Variants in IP6K3 observed in about 807,000 individuals in gnomAD.
IP6K3 encodes the protein ATP:1D-myo-inositol-hexakisphosphate phosphotransferase.
IP6K3 carries 20 observed loss-of-function variants against 28.8 expected under a neutral mutation model. That is an observed-to-expected ratio of 0.70 (90% CI 0.49 to 1.01). The LOEUF is 1.01. Among genes scored for constraint, IP6K3 ranks in the 50% least tolerant of loss-of-function variants. IP6K3 has a pLI of 0.00. For synonymous variants in IP6K3, 213 were observed against 221.3 expected (o/e 0.96, Z 0.33); for missense variants, 480 against 537.1 (o/e 0.89, Z 1.05).
rs528663129 is a variant in IP6K3, at chr6:33,734,320, C to T, written c.199+958G>A. ...ACCTGTGCGCCTTTGTGCACATACA[C>T]GCCGGATTCTAGTAAAGTGGGTTTC... is the stretch of plus-strand genomic sequence containing the variant. On this transcript the variant is annotated intron_variant, in intron 2 of 5. Transcript: ENST00000293756. Among the ~76,000 whole-genome samples, 155 of 152,262 alleles carry T rather than the reference C, an allele frequency of 1.0e-3. 1 individual carries two copies. The highest frequency in any genetic ancestry group is 3.6e-3 in the African/African-American group (149 of 41,540).
At chr6:33,760,499 G>C in the IP6K3 span, among the ~76,000 whole-genome samples, 7 of 152,228 alleles carry the variant, frequency 4.6e-5, no homozygotes, top group Non-Finnish European at 8.8e-5. Flanking sequence ...CACAGGAACA[G>C]AATGGGGAGA....
chr6:33,729,904 G>A (rs991083032), intron 2 of IP6K3, among the ~76,000 whole-genome samples: 1 of 152,014 alleles, frequency 6.6e-6, no homozygotes, highest in Non-Finnish European at 1.5e-5. Context: ...AGTAGAGACG[G>A]GGTTTCATCA....
chr6:33,748,896 C>A (rs191446691), upstream of IP6K3, among the ~76,000 whole-genome samples: 1 of 152,214 alleles, frequency 6.6e-6, no homozygotes, highest in East Asian at 1.9e-4. Context: ...CTGACTCCCC[C>A]CTGCAGGGTG....
chr6:33,744,472 G>A lies in IP6K3; in HGVS notation c.-180+2286C>T, dbSNP rs770415805. On this transcript the variant is annotated intron_variant, in intron 1 of 5. Coordinates refer to ENST00000293756, the MANE Select transcript of IP6K3 (RefSeq NM_054111.5). This position sits in a 1 kb window ranked among gnomAD's most constrained non-coding sequence, Gnocchi z 4.4. ...CAATAATGGGATGGAGTGTGTGTGC[G>A]TGCATGTGTTTGTATGTTTGTGTGA... Among the ~76,000 whole-genome samples the A allele has an allele frequency of 7.2e-5, 11 of 152,278 alleles. No homozygotes were observed. Among genetic ancestry groups the A allele is most frequent in the African/African-American group, 2.4e-4 (10 of 41,558 alleles).
intron 2 of IP6K3, among the ~76,000 whole-genome samples, chr6:33,732,388 G>A (rs1213922939): frequency 6.6e-6 from 1 of 152,228 alleles, no homozygotes; most frequent in Non-Finnish European, 1.5e-5. Context: ...TTCCTATAGG[G>A]GAGAAAAAGG....
the IP6K3 span, among the ~76,000 whole-genome samples, chr6:33,759,788 G>A: frequency 6.6e-6 from 1 of 152,038 alleles, no homozygotes; most frequent in Non-Finnish European, 1.5e-5. Flanking sequence ...CAGGAGAATG[G>A]CGTGAACCCA....
chr6:33,730,750 A>G (rs1007627859), intron 2 of IP6K3, among the ~76,000 whole-genome samples: 3 of 152,048 alleles, frequency 2.0e-5, no homozygotes, highest in African/African-American at 7.2e-5. Flanking sequence ...CCAAGGTCAC[A>G]TGGTCGGTGT....
At chr6:33,749,688 A>G (rs1482747103), upstream of IP6K3, among the ~76,000 whole-genome samples, 1 of 151,616 alleles carries the variant, frequency 6.6e-6, no homozygotes, top group African/African-American at 2.4e-5. Flanking sequence ...GGGAGCCACC[A>G]TGCCCACCCT....
intron 2 of IP6K3, among the ~76,000 whole-genome samples, chr6:33,729,391 G>A (rs1257087107): frequency 6.6e-6 from 1 of 152,208 alleles, no homozygotes; most frequent in African/African-American, 2.4e-5. Flanking sequence ...AGCCCACTCT[G>A]CACCCCCTCT....
chr6:33,724,996 C>T (rs1294335053), intron 5 of IP6K3, among the ~76,000 whole-genome samples: 1 of 152,124 alleles, frequency 6.6e-6, no homozygotes. Flanking sequence ...AGTCCCAGCA[C>T]TTTGGGAGGC....
chr6:33,753,012 T>A, the IP6K3 span, among the ~76,000 whole-genome samples: 1 of 152,188 alleles, frequency 6.6e-6, no homozygotes, highest in Non-Finnish European at 1.5e-5. Context: ...GGCACAGTCA[T>A]GGCTCACTGC....
At chr6:33,738,298 G>A (rs963098858) in intron 1 of IP6K3, among the ~76,000 whole-genome samples, 6 of 152,188 alleles carry the variant, frequency 3.9e-5, no homozygotes, top group African/African-American at 9.7e-5. Flanking sequence ...TGGCCTCAGC[G>A]GATGCCAGCC....
the IP6K3 span, among the ~76,000 whole-genome samples, chr6:33,752,288 T>C: frequency 0.14 from 21,611 of 152,258 alleles, 1,722 homozygotes; most frequent in Middle Eastern, 0.22. Context: ...GGTGGCCAGC[T>C]GGGGCCCCGC....
chr6:33,736,640 A>T (rs887095945), intron 1 of IP6K3, among the ~76,000 whole-genome samples: 1 of 152,160 alleles, frequency 6.6e-6, no homozygotes, highest in African/African-American at 2.4e-5. Context: ...TCCTGACCTC[A>T]GGTGATCCAC....
chr6:33,749,604 G>A (rs1486502808), upstream of IP6K3, among the ~76,000 whole-genome samples: 3 of 150,708 alleles, frequency 2.0e-5, no homozygotes, highest in East Asian at 6.0e-4. Context: ...CACCACTCAG[G>A]TCCTCAGGGA....
upstream of IP6K3, among the ~76,000 whole-genome samples, chr6:33,749,738 GC>G (rs1766995942): frequency 6.6e-6 from 1 of 151,786 alleles, no homozygotes. Flanking sequence ...GGGAGGGCCG[GC>G]CCTGCCCTGA....
chr6:33,743,564 G>C (rs1339472073), intron 1 of IP6K3, among the ~76,000 whole-genome samples: 2 of 152,162 alleles, frequency 1.3e-5, no homozygotes, highest in Admixed American at 6.5e-5. Context: ...CAGGTTGGAA[G>C]GCACAAGCTT....
At position 33,722,798 on chromosome 6, in the gene IP6K3, G is replaced by A. The variant is rs758348821; in HGVS notation, c.1155C>T (p.Tyr385=). The stretch of plus-strand genomic sequence containing the variant: ...AAATATAGCCAGGGTCTGGTCCATC[G>A]TAGGTGGTGTGCTCATTCCAGTAGC... ...YKGYWNEHTT[Y]DGPDPGYIFG... Residue 385 remains tyrosine (Y), a synonymous_variant, in exon 6 of 6, where the codon TAC becomes TAT. Coordinates refer to ENST00000293756, the MANE Select transcript of IP6K3 (RefSeq NM_054111.5). 43 of 1,614,052 alleles carry A rather than the reference G, an allele frequency of 2.7e-5. No individual in the cohort carries two copies. Among genetic ancestry groups the A allele is most frequent in the Admixed American group, 5.0e-5 (3 of 60,002 alleles).
intron 1 of IP6K3, among the ~76,000 whole-genome samples, chr6:33,738,381 C>T (rs931200546): frequency 3.9e-5 from 6 of 152,212 alleles, no homozygotes; most frequent in African/African-American, 1.2e-4. Context: ...CCACACCCCT[C>T]GTCTTTCCCC....
Sources: allele counts gnomAD v4.1 joint callset (sites outside exome capture counted in the v4.1 genomes callset), GRCh38; gene constraint gnomAD v4.1.1; non-coding constraint Gnocchi (gnomAD v3.1); transcripts MANE v1.5; gene names NCBI Gene and HGNC (gene_info 2026-07-23, HGNC 2026-07-21).